The following PVALEF variants were observed in gnomAD, a reference collection of about 807,000 sequenced individuals.
PVALEF encodes parvalbumin-like EF-hand-containing protein.
PVALEF carries 2 observed loss-of-function variants against 1.2 expected under a neutral mutation model. The observed-to-expected ratio is 1.68, with a 90% CI of 0.69 to 5.28. The LOEUF is 5.28. PVALEF is among the 30% of genes most tolerant of loss of function. PVALEF has a pLI of 0.06. For missense variants in PVALEF, 35 were observed against 17.7 expected (o/e 1.97, Z -1.75); for synonymous variants, 16 against 6.5 (o/e 2.47, Z -2.24).
chr17:81,181,354 C>T (rs376234109), intron 4 of PVALEF, 22 bp downstream of exon 4: 19 of 632,070 alleles, frequency 3.0e-5, no homozygotes, highest in Middle Eastern at 2.5e-4. Flanking sequence ...CCCCGCCCGG[C>T]GCGGCCCCCC....
At chr17:81,180,931 C>A (rs560859602) in intron 3 of PVALEF, among the ~76,000 whole-genome samples, 192 bp from the exon 4 acceptor site, 30 of 152,314 alleles carry the variant, frequency 2.0e-4, no homozygotes, top group East Asian at 5.8e-4. Context: ...CCCAACCCCC[C>A]CTGGGGACGG....
intron 3 of PVALEF, 41 bp from the exon 4 acceptor site, chr17:81,181,082 A>C: frequency 1.8e-6 from 1 of 568,544 alleles, no homozygotes; most frequent in South Asian, 2.2e-5. Context: ...CCCTGGCATG[A>C]CCCCAACACT....
intron 2 of PVALEF, among the ~76,000 whole-genome samples, chr17:81,175,198 C>G (rs9892719): frequency 0.24 from 35,856 of 151,944 alleles, 4,574 homozygotes; most frequent in Non-Finnish European, 0.28. Context: ...GAATAAAATA[C>G]TTAGGAATTA....
At chr17:81,179,480 C>A (rs528739531) in intron 3 of PVALEF, among the ~76,000 whole-genome samples, 2 of 152,316 alleles carry the variant, frequency 1.3e-5, no homozygotes, top group East Asian at 3.9e-4. Context: ...GGGGCCTCTG[C>A]ATAGGGAGCT....
intron 2 of PVALEF, 126 bp downstream of exon 2, chr17:81,166,970 G>T: frequency 3.2e-6 from 1 of 311,074 alleles, no homozygotes; most frequent in Non-Finnish European, 6.5e-6. Flanking sequence ...GGTCCCCCCA[G>T]CCTGCCCCCG....
intron 2 of PVALEF, among the ~76,000 whole-genome samples, chr17:81,174,722 G>A (rs1250860306): frequency 6.6e-6 from 1 of 152,026 alleles, no homozygotes; most frequent in Non-Finnish European, 1.5e-5. Context: ...GGCCAAGGCG[G>A]GTGGATCACA....
chr17:81,170,081 T>C (rs961255301), intron 2 of PVALEF, among the ~76,000 whole-genome samples: 4 of 151,588 alleles, frequency 2.6e-5, no homozygotes, highest in Non-Finnish European at 4.4e-5. Context: ...TGTGTGCATA[T>C]GTGTAGGTGT....
chr17:81,180,042 C>T (rs889079394), intron 3 of PVALEF, among the ~76,000 whole-genome samples: 1 of 152,180 alleles, frequency 6.6e-6, no homozygotes, highest in Non-Finnish European at 1.5e-5. Context: ...AACTCCAGCC[C>T]GGGCCGCGGA....
At chr17:81,181,920 C>A (rs1343035181) in intron 5 of PVALEF, 46 bp from the exon 6 acceptor site, 4 of 398,482 alleles carry the variant, frequency 1.0e-5, no homozygotes, top group Non-Finnish European at 1.8e-5. Context: ...TCACTGGGCA[C>A]TGGCCGGAAG....
intron 3 of PVALEF, among the ~76,000 whole-genome samples, chr17:81,179,433 C>T (rs2061546306): frequency 6.6e-6 from 1 of 152,234 alleles, no homozygotes; most frequent in Non-Finnish European, 1.5e-5. Flanking sequence ...CTGGCACGAG[C>T]CTCTGTGGGC....
At chr17:81,174,767 G>A (rs890091818) in intron 2 of PVALEF, among the ~76,000 whole-genome samples, 4 of 152,104 alleles carry the variant, frequency 2.6e-5, no homozygotes, top group African/African-American at 9.7e-5. Flanking sequence ...GGCTAACACA[G>A]TGAAACCCTG....
At chr17:81,169,794 G>A (rs2061512200) in intron 2 of PVALEF, among the ~76,000 whole-genome samples, 1 of 151,854 alleles carries the variant, frequency 6.6e-6, no homozygotes, top group African/African-American at 2.4e-5. Flanking sequence ...GTGTAGATGT[G>A]TGTGTCTTGG....
intron 2 of PVALEF, among the ~76,000 whole-genome samples, chr17:81,170,036 G>T (rs1248006095): frequency 6.7e-6 from 1 of 149,886 alleles, no homozygotes; most frequent in Non-Finnish European, 1.5e-5. Flanking sequence ...GTGTAGGTGT[G>T]TTGGCATGTG....
rs1460615154 is a variant in PVALEF at position 81,166,803 on chromosome 17, G to A, written c.-381G>A. On this transcript the variant is annotated 5_prime_UTR_variant, in exon 2 of 7. Transcript: ENST00000637878. ...GTACCGTGCTGCGACAGCCATGAAGGAAGAACCTGGCTGAGTCTCCACCTG... is the reference window on the plus strand; with the variant it reads ...GTACCGTGCTGCGACAGCCATGAAGAAAGAACCTGGCTGAGTCTCCACCTG... The A allele has an allele frequency of 4.4e-6, 2 of 455,514 alleles. No individual in the cohort carries two copies. Among genetic ancestry groups the A allele is most frequent in the Non-Finnish European group, 8.8e-6 (2 of 226,016 alleles). 28.2% of individuals were successfully genotyped at this position (455,514 alleles called of 1,614,324 possible). A position where few individuals can be genotyped will look rare whatever the true frequency, so the allele number is the denominator to read the frequency against.
At position 81,182,095 on chromosome 17, in the gene PVALEF, A is replaced by G; in HGVS notation, c.358+14A>G. ...TCAACTACGAAGGTGGGGGCAGCAC[A>G]GCCGGGGCACCCTCAGGACCCTCCT... On this transcript the variant is annotated intron_variant, in intron 6 of 6. Transcript: ENST00000637878. 1 of 398,684 alleles carries G rather than the reference A, an allele frequency of 2.5e-6. No individual in the cohort carries two copies. The highest frequency in any genetic ancestry group is 4.4e-6 in the Non-Finnish European group (1 of 226,120). 24.7% of individuals were successfully genotyped at this position (398,684 alleles called of 1,614,324 possible).
chr17:81,178,680 G>T (rs1365218077), intron 2 of PVALEF, among the ~76,000 whole-genome samples: 2 of 148,110 alleles, frequency 1.4e-5, no homozygotes, highest in Admixed American at 6.6e-5. Flanking sequence ...CACCAGAGCT[G>T]GGGGGGGCAG....
chr17:81,177,720 T>C (rs1163175068), intron 2 of PVALEF, among the ~76,000 whole-genome samples: 3 of 152,226 alleles, frequency 2.0e-5, no homozygotes, highest in African/African-American at 7.2e-5. Flanking sequence ...CAGGTGACTT[T>C]ACCTCCACCG....
intron 2 of PVALEF, among the ~76,000 whole-genome samples, chr17:81,167,358 T>C (rs2061501167): frequency 6.6e-6 from 1 of 152,234 alleles, no homozygotes. Context: ...ATTCACTCAC[T>C]CATTCATTCA....
intron 1 of PVALEF, 148 bp downstream of exon 1, chr17:81,165,895 G>T: frequency 6.4e-7 from 1 of 1,558,422 alleles, no homozygotes. Flanking sequence ...CGTCCGCAGC[G>T]GAGGGAGGCA....
Sources: gnomAD v4.1 joint callset for allele counts (sites outside exome capture counted in the v4.1 genomes callset) on GRCh38, gnomAD v4.1.1 for gene constraint, MANE v1.5 for transcripts, NCBI Gene and HGNC (gene_info 2026-07-23, HGNC 2026-07-21) for gene names.